MCM3AP: variants seen among roughly 807,000 people sequenced by gnomAD.
MCM3AP encodes the protein germinal-center associated nuclear protein.
In MCM3AP, 126 loss-of-function variants were observed where a neutral mutation model predicts 184.1. The ratio of observed to expected loss-of-function variants is 0.68; its 90% CI spans 0.59 to 0.79. MCM3AP has a LOEUF of 0.79. Ranked by LOEUF, MCM3AP falls within the 30% of genes least tolerant of loss-of-function variation. MCM3AP has a pLI of 0.00. For synonymous variants in MCM3AP, 1,002 were observed against 979.3 expected (o/e 1.02, Z -0.43); for missense variants, 2,496 against 2,479.2 (o/e 1.01, Z -0.14).
At chr21:46,243,438 G>A (rs777336050) in intron 24 of MCM3AP, 27 bp downstream of exon 24, 2 of 1,576,562 alleles carry the variant, frequency 1.3e-6, no homozygotes, top group Admixed American at 1.8e-5. Flanking sequence ...GTGAGGAGCT[G>A]ATCCCATTGC....
intron 5 of MCM3AP, among the ~76,000 whole-genome samples, chr21:46,277,154 T>C (rs111943337): frequency 6.9e-4 from 105 of 152,280 alleles, no homozygotes; most frequent in African/African-American, 2.2e-3. Flanking sequence ...GAATACTTAC[T>C]TTTTAGTAGG....
In MCM3AP at chr21:46,236,889, TA is replaced by T. The variant is rs1384774263; in HGVS notation, c.5723del (p.Leu1908GlnfsTer11). On this transcript the variant is annotated frameshift_variant, in exon 27 of 28. Coordinates refer to ENST00000291688, the MANE Select transcript of MCM3AP (RefSeq NM_003906.5). LOFTEE classifies it high-confidence loss of function. The part of the protein sequence containing the change: ...TSLPLYLPQT[L>X]VSLSHTIEPV... ...GTTCAATAGTGTGAGAAAGAGACAC[TA>T]GAGTCTGAGGAAGATAGAGGGGAAG... The T allele has an allele frequency of 3.8e-6, 6 of 1,567,248 alleles. No homozygotes were observed. Among genetic ancestry groups the T allele is most frequent in the Non-Finnish European group, 5.2e-6 (6 of 1,162,010 alleles).
intron 2 of MCM3AP, 126 bp downstream of exon 2, chr21:46,283,489 T>A: frequency 1.6e-6 from 1 of 642,338 alleles, no homozygotes; most frequent in Non-Finnish European, 2.7e-6. Context: ...CCTATGCTAA[T>A]AAGATATTTG....
intron 27 of MCM3AP, 30 bp downstream of exon 27, chr21:46,236,799 G>T: frequency 6.8e-7 from 1 of 1,471,834 alleles, no homozygotes; most frequent in Non-Finnish European, 9.1e-7. Context: ...TAATTCTTAT[G>T]TAAATGCCAA....
intron 20 of MCM3AP, among the ~76,000 whole-genome samples, chr21:46,248,579 C>A: frequency 6.7e-6 from 1 of 150,008 alleles, no homozygotes; most frequent in Non-Finnish European, 1.5e-5. Context: ...TGAGGAGGGC[C>A]TCCAACATAA....
intron 17 of MCM3AP, among the ~76,000 whole-genome samples, 180 bp from the exon 18 acceptor site, chr21:46,255,024 G>A (rs1243115006): frequency 6.6e-6 from 1 of 152,222 alleles, no homozygotes; most frequent in Non-Finnish European, 1.5e-5. Context: ...GGCTATGGGA[G>A]ATTCAGCAAT....
intron 5 of MCM3AP, among the ~76,000 whole-genome samples, chr21:46,276,825 C>A (rs2145706481): frequency 6.6e-6 from 1 of 151,666 alleles, no homozygotes; most frequent in East Asian, 1.9e-4. Context: ...GTAACCTCCA[C>A]CTCGCCAGTT....
rs17176877 is a variant in MCM3AP, at chr21:46,244,603, C to T, written c.5038+204G>A. 3,154 of 604,028 alleles carry T rather than the reference C, an allele frequency of 5.2e-3. 118 individuals carry two copies. The South Asian group carries it at 0.059, about 11-fold the overall frequency. 37.4% of individuals were successfully genotyped at this position (604,028 alleles called of 1,614,324 possible). On this transcript the variant is annotated intron_variant, in intron 23 of 27. Coordinates refer to ENST00000291688, the MANE Select transcript of MCM3AP (RefSeq NM_003906.5). ...CTGGTCAGGAAAGGCTAACAGCCCCCACTCCACAAAACCCAGCTTGTTCTG... is the reference window on the plus strand; with the variant it reads ...CTGGTCAGGAAAGGCTAACAGCCCCTACTCCACAAAACCCAGCTTGTTCTG...
Position 46,258,901 on chromosome 21 carries a change from G to A in MCM3AP, c.3734+38C>T, listed in dbSNP as rs201548564. ...TGAATTTGTTAAAAGACTCTTCCCC[G>A]TGTGTGTGGATTTTGCCTGTAGGAA... On this transcript the variant is annotated intron_variant, in intron 16 of 27. Transcript: ENST00000291688. The A allele has an allele frequency of 4.3e-4, 694 of 1,609,758 alleles. 8 individuals carry two copies. In the East Asian group the frequency reaches 8.5e-3, roughly 20 times the overall value.
intron 16 of MCM3AP, among the ~76,000 whole-genome samples, chr21:46,257,375 T>C (rs374266275): frequency 6.8e-6 from 1 of 146,112 alleles, no homozygotes; most frequent in African/African-American, 2.6e-5. Context: ...CTTGGGAGGC[T>C]GAGGCAGGAG....
At chr21:46,270,079 CATATG>C (rs1239458981) in intron 9 of MCM3AP, among the ~76,000 whole-genome samples, 5 of 152,196 alleles carry the variant, frequency 3.3e-5, no homozygotes, top group African/African-American at 4.8e-5. Context: ...AGATTTTGTG[CATATG>C]ATATGAGATT....
At position 46,266,972 on chromosome 21, in the gene MCM3AP, C is replaced by T; in HGVS notation, c.2789+10G>A. ...GACAGGGGCCCCACAGTTCCATTCTCAGCTCTTACCCGTCGGAAACGGTGA... is the reference window on the plus strand; with the variant it reads ...GACAGGGGCCCCACAGTTCCATTCTTAGCTCTTACCCGTCGGAAACGGTGA... On this transcript the variant is annotated intron_variant, in intron 10 of 27. Coordinates refer to ENST00000291688, the MANE Select transcript of MCM3AP (RefSeq NM_003906.5). 1 of 1,613,972 alleles carries T rather than the reference C, an allele frequency of 6.2e-7. No individual in the cohort carries two copies. Among genetic ancestry groups the T allele is most frequent in the South Asian group, 1.1e-5 (1 of 91,052 alleles).
In MCM3AP at chr21:46,285,229, T is replaced by A. The variant is rs373062412; in HGVS notation, c.58A>T (p.Ser20Cys). ...QQPSAFSASS[S>C]NVGTLPSKPP... ...TTAGATGGAAGTGTTCCTACATTAC[T>A]AGAAGACGCCGAAAAAGCACTAGGC... The change falls in exon 1 of 28, where the codon AGT becomes TGT. Residue 20 changes from serine to cysteine, a missense_variant. By Grantham distance (112) the Ser-to-Cys change is moderately radical. Around this residue, in one of 5 missense-constraint regions of MCM3AP, gnomAD observed 800 missense variants for 717.1 expected, o/e 1.12. Transcript: ENST00000291688. The A allele has an allele frequency of 1.4e-5, 22 of 1,614,102 alleles. No homozygotes were observed. The highest frequency in any genetic ancestry group is 1.6e-4 in the Middle Eastern group (1 of 6,084).
chr21:46,277,751 C>T (rs769347063), intron 4 of MCM3AP, 34 bp from the exon 5 acceptor site: 1 of 1,353,430 alleles, frequency 7.4e-7, no homozygotes, highest in Non-Finnish European at 1.0e-6. Flanking sequence ...GGGCCCTCGT[C>T]CCAGGAAGGC....
chr21:46,268,614 C>T (rs2081142271), intron 9 of MCM3AP, among the ~76,000 whole-genome samples: 1 of 152,236 alleles, frequency 6.6e-6, no homozygotes, highest in African/African-American at 2.4e-5. Context: ...GAGTGTGGAA[C>T]AGCAGTGGAA....
intron 13 of MCM3AP, 54 bp downstream of exon 13, chr21:46,264,063 T>C: frequency 7.9e-7 from 1 of 1,264,758 alleles, no homozygotes; most frequent in Non-Finnish European, 1.1e-6. Flanking sequence ...TCTGGAGGAC[T>C]GGGTGCAGCT....
chr21:46,283,851 A>T lies in MCM3AP; in HGVS notation c.1220-13T>A, dbSNP rs1263706893. On this transcript the variant is annotated splice_polypyrimidine_tract_variant and intron_variant, in intron 1 of 27. Coordinates refer to ENST00000291688, the MANE Select transcript of MCM3AP (RefSeq NM_003906.5). ...CCTCTTAGAGAATCTAGGGGTTCAG[A>T]GAATGGACACTTAAACCATCAGATG... The T allele has an allele frequency of 1.2e-6, 2 of 1,604,300 alleles. No homozygotes were observed. The highest frequency in any genetic ancestry group is 2.2e-5 in the South Asian group (2 of 90,756).
In MCM3AP at chr21:46,259,015, A is replaced by G. The variant is rs1414743362; in HGVS notation, c.3658T>C (p.Phe1220Leu). The G allele has an allele frequency of 7.4e-6, 12 of 1,613,998 alleles. No homozygotes were observed. The highest frequency in any genetic ancestry group is 2.7e-5 in the African/African-American group (2 of 74,882). Residue 1220 changes from phenylalanine to leucine, a missense_variant, in exon 16 of 28, where the codon TTT becomes CTT. By Grantham distance (22) the Phe-to-Leu change is conservative (BLOSUM62 0). Around this residue, in one of 5 missense-constraint regions of MCM3AP, gnomAD observed 1,323 missense variants for 1,273.4 expected, o/e 1.04. Coordinates refer to ENST00000291688, the MANE Select transcript of MCM3AP (RefSeq NM_003906.5). ...EDVCAHLVDL[F>L]LVEEIFQTAK... ...GTCTGGAAGATTTCCTCCACGAGAA[A>G]CAAGTCCACTAAGTGGGCACAGACA...
chr21:46,256,879 G>C lies in MCM3AP; in HGVS notation c.3842C>G (p.Pro1281Arg), dbSNP rs751127581. 5 of 1,596,470 alleles carry C rather than the reference G, an allele frequency of 3.1e-6. No individual in the cohort carries two copies. In the African/African-American group the frequency reaches 5.4e-5, roughly 17 times the overall value. The change falls in exon 17 of 28, where the codon CCC becomes CGC. Residue 1281 changes from proline to arginine, a missense_variant. This residue lies in a region of MCM3AP where 1,323 missense variants were observed against 1,273.4 expected (regional missense o/e 1.04). Transcript: ENST00000291688. Reference protein sequence around the residue: ...DVSDRLRALAPSAECPIAEEN... With the variant: ...DVSDRLRALARSAECPIAEEN... ...TTCAGCAATGGGGCACTCTGCGCTG[G>C]GCGCCAGCGCCCTCAGCCGGTCGCT...
Sources: allele counts gnomAD v4.1 joint callset (sites outside exome capture counted in the v4.1 genomes callset), GRCh38; gene constraint gnomAD v4.1.1; regional missense constraint gnomAD v4.1.1; transcripts MANE v1.5; gene names NCBI Gene and HGNC (gene_info 2026-07-23, HGNC 2026-07-21).